The following TSHZ2 variants were observed in gnomAD, a reference collection of about 807,000 sequenced individuals.
TSHZ2 encodes the protein teashirt zinc finger homeobox 2.
A neutral mutation model predicts 74.4 loss-of-function variants in TSHZ2; 21 were observed. The ratio of observed to expected loss-of-function variants is 0.28; its 90% CI spans 0.20 to 0.41. The LOEUF (loss-of-function observed/expected upper bound fraction) is 0.41, where lower values mean the gene tolerates loss of function less well. Among genes scored for constraint, TSHZ2 ranks in the 10% least tolerant of loss-of-function variants. The pLI is 1.00. For missense variants in TSHZ2, 1,244 were observed against 1,293.5 expected (o/e 0.96, Z 0.59); for synonymous variants, 540 against 515.3 (o/e 1.05, Z -0.65).
chr20:53,218,268 C>G (rs146891488), intron 1 of TSHZ2, among the ~76,000 whole-genome samples: 172 of 152,322 alleles, frequency 1.1e-3, no homozygotes, highest in African/African-American at 3.9e-3. Context: ...CTGCACCAAC[C>G]ACATGGTCTC....
At chr20:52,977,384 T>C (rs1270690259) in intron 1 of TSHZ2, among the ~76,000 whole-genome samples, 1 of 151,014 alleles carries the variant, frequency 6.6e-6, no homozygotes, top group Non-Finnish European at 1.5e-5. Flanking sequence ...TTCCTTCACT[T>C]GCCCAAAAGT....
intron 1 of TSHZ2, among the ~76,000 whole-genome samples, chr20:53,146,884 A>T (rs1381188263): frequency 6.6e-6 from 1 of 152,186 alleles, no homozygotes; most frequent in Non-Finnish European, 1.5e-5. Context: ...TCTTTATGAA[A>T]GTAGTTTCAG....
At chr20:52,993,952 C>T (rs1982080990) in intron 1 of TSHZ2, among the ~76,000 whole-genome samples, 1 of 152,222 alleles carries the variant, frequency 6.6e-6, no homozygotes, top group Admixed American at 6.5e-5. Flanking sequence ...TGGGCTGAAG[C>T]TGATGCTGCC....
At position 53,074,669 on chromosome 20, in the gene TSHZ2, AAACTATAGATACTAATTATTTTT is replaced by A. The variant is rs1364622866; in HGVS notation, c.40+101356_40+101378del. Among the ~76,000 whole-genome samples, 2 of 152,220 alleles carry A rather than the reference AAACTATAGATACTAATTATTTTT, an allele frequency of 1.3e-5. No homozygotes were observed. The highest frequency in any genetic ancestry group is 1.9e-4 in the East Asian group (1 of 5,204). ...TTCAGATTAAGAAAAGGCTACTTGG[AAACTATAGATACTAATTATTTTT>A]AACTATAGATACTAATTATAGTCTG... On this transcript the variant is annotated intron_variant, in intron 1 of 2. Transcript: ENST00000371497. The surrounding 1 kb of genome is among the most constrained non-coding windows in gnomAD (Gnocchi z 5.9).
intron 1 of TSHZ2, among the ~76,000 whole-genome samples, chr20:53,051,437 C>G (rs1217567354): frequency 1.4e-5 from 2 of 143,330 alleles, no homozygotes; most frequent in African/African-American, 5.1e-5. Context: ...ATATTCTTAT[C>G]ATATTACTCT....
chr20:53,431,251 G>A (rs1249738813), intron 2 of TSHZ2, among the ~76,000 whole-genome samples: 1 of 151,970 alleles, frequency 6.6e-6, no homozygotes, highest in Non-Finnish European at 1.5e-5. Context: ...GAGGTCAGGA[G>A]TCCTAGACCA....
chr20:53,191,289 T>A (rs1432023241), intron 1 of TSHZ2, among the ~76,000 whole-genome samples: 1 of 152,194 alleles, frequency 6.6e-6, no homozygotes, highest in Non-Finnish European at 1.5e-5. Context: ...TGAGTTTTCA[T>A]GGTCAGCCTC....
chr20:53,080,776 C>T (rs576462490), intron 1 of TSHZ2, among the ~76,000 whole-genome samples: 3 of 152,258 alleles, frequency 2.0e-5, no homozygotes, highest in Non-Finnish European at 2.9e-5. Flanking sequence ...TACCGGCCCG[C>T]GGCCCAGGGG....
chr20:53,274,182 A>T (rs917631551), intron 2 of TSHZ2, among the ~76,000 whole-genome samples: 1 of 152,158 alleles, frequency 6.6e-6, no homozygotes, highest in Admixed American at 6.5e-5. Flanking sequence ...AGGCAGGAGA[A>T]TTGCTTGAAC....
chr20:53,003,086 C>T (rs943049333), intron 1 of TSHZ2, among the ~76,000 whole-genome samples: 7 of 152,170 alleles, frequency 4.6e-5, no homozygotes, highest in Non-Finnish European at 1.0e-4. Context: ...AAAGCTGCCT[C>T]GAGCTTAAGA....
intron 1 of TSHZ2, among the ~76,000 whole-genome samples, chr20:53,031,609 G>A (rs142312278): frequency 3.6e-4 from 55 of 152,274 alleles, no homozygotes; most frequent in African/African-American, 9.4e-4. Flanking sequence ...TCACACAGAC[G>A]GCAAGGGTGG....
chr20:53,136,397 A>G (rs547271387), intron 1 of TSHZ2, among the ~76,000 whole-genome samples: 1 of 152,248 alleles, frequency 6.6e-6, no homozygotes, highest in African/African-American at 2.4e-5. Flanking sequence ...TTTTTAAGGG[A>G]ACTTAAAATT....
chr20:53,154,110 T>G (rs1987737361), intron 1 of TSHZ2, among the ~76,000 whole-genome samples: 1 of 152,212 alleles, frequency 6.6e-6, no homozygotes, highest in South Asian at 2.1e-4. Context: ...AGCTTCGCAG[T>G]CACATGGCAA....
intron 1 of TSHZ2, among the ~76,000 whole-genome samples, chr20:53,250,982 A>C (rs1333082043): frequency 3.9e-5 from 6 of 152,128 alleles, no homozygotes; most frequent in Non-Finnish European, 5.9e-5. Context: ...ATCAATGTAC[A>C]CACAAAATAA....
At chr20:53,044,305 G>A (rs376285170) in intron 1 of TSHZ2, among the ~76,000 whole-genome samples, 90 of 152,334 alleles carry the variant, frequency 5.9e-4, no homozygotes, top group Non-Finnish European at 1.2e-3. Flanking sequence ...TGCACAACCT[G>A]TGACACATAT....
chr20:53,249,185 T>C (rs1317343991), intron 1 of TSHZ2, among the ~76,000 whole-genome samples: 4 of 152,228 alleles, frequency 2.6e-5, no homozygotes, highest in Admixed American at 2.6e-4. Context: ...AGCATGATTG[T>C]AATTCACATC....
intron 1 of TSHZ2, among the ~76,000 whole-genome samples, chr20:53,001,228 G>GTGTATGTGTGTGTGTGTGTGTGTA (rs1283887323): frequency 6.3e-4 from 90 of 143,472 alleles, no homozygotes; most frequent in South Asian, 1.3e-3. Flanking sequence ...GTGTGTGTGT[G>GTGTATGTGTGTGTGTGTGTGTGTA]TGTGTGTGTG....
At chr20:53,157,887 T>C (rs897060575) in intron 1 of TSHZ2, among the ~76,000 whole-genome samples, 1 of 152,104 alleles carries the variant, frequency 6.6e-6, no homozygotes, top group African/African-American at 2.4e-5. Context: ...GTTCCTGACC[T>C]CAAGAAGGTT....
intron 1 of TSHZ2, among the ~76,000 whole-genome samples, chr20:53,249,962 C>T (rs1478001777): frequency 1.3e-5 from 2 of 152,106 alleles, no homozygotes; most frequent in East Asian, 1.9e-4. Context: ...GGGGACAAAA[C>T]GGTGGCCCAG....
Sources: gnomAD v4.1 joint callset for allele counts (sites outside exome capture counted in the v4.1 genomes callset) on GRCh38, gnomAD v4.1.1 for gene constraint, Gnocchi (gnomAD v3.1) non-coding constraint, MANE v1.5 for transcripts, NCBI Gene and HGNC (gene_info 2026-07-23, HGNC 2026-07-21) for gene names.